The following CNOT4 variants were observed in gnomAD, a reference collection of about 807,000 sequenced individuals.
The protein encoded by CNOT4 is CCR4-associated factor 4.
Under a neutral mutation model 73.8 loss-of-function variants are expected in CNOT4, and 8 were observed. The ratio of observed to expected loss-of-function variants is 0.11; its 90% CI spans 0.06 to 0.20. CNOT4 has a LOEUF of 0.20. Among genes scored for constraint, CNOT4 ranks in the 10% least tolerant of loss-of-function variants. CNOT4 has a pLI of 1.00. For missense variants in CNOT4, 564 were observed against 883.4 expected (o/e 0.64, Z 4.58); for synonymous variants, 293 against 321.1 (o/e 0.91, Z 0.94).
At chr7:135,503,536 CAGGT>C (rs1308930428) in intron 1 of CNOT4, among the ~76,000 whole-genome samples, 1 of 152,012 alleles carries the variant, frequency 6.6e-6, no homozygotes, top group Non-Finnish European at 1.5e-5. Flanking sequence ...AGCTGAGTAA[CAGGT>C]ACATGGTGGT....
chr7:135,397,580 T>C (rs1464266396), intron 8 of CNOT4, among the ~76,000 whole-genome samples: 4 of 140,448 alleles, frequency 2.8e-5, no homozygotes, highest in East Asian at 2.0e-4. Flanking sequence ...AGAAGATGTA[T>C]AGAAACTCAA....
At chr7:135,385,397 A>G (rs142297685) in intron 10 of CNOT4, among the ~76,000 whole-genome samples, 1 of 152,340 alleles carries the variant, frequency 6.6e-6, no homozygotes, top group Non-Finnish European at 1.5e-5. Context: ...TTCTGAGGCA[A>G]TGCCTCCGTG....
At chr7:135,474,428 G>A (rs1289717518) in intron 1 of CNOT4, among the ~76,000 whole-genome samples, 1 of 151,924 alleles carries the variant, frequency 6.6e-6, no homozygotes, top group African/African-American at 2.4e-5. Context: ...AGAACTACAG[G>A]TGGGTGCCAC....
In CNOT4 at chr7:135,394,365, C is replaced by A; in HGVS notation, c.1180G>T (p.Gly394Cys). 6.2e-7 allele frequency: 1 copy of A among 1,613,886 alleles called. No homozygotes were observed. ...STDWQAAFGF[G>C]SSKQPEDDLG... ...TCATCCTCTGGTTGTTTAGAAGAAC[C>A]AAAGCCAAAAGCTGCTTGCCAGTCT... The change falls in exon 10 of 12, where the codon GGT (glycine) becomes TGT (cysteine). Residue 394 changes from glycine to cysteine, a missense_variant. Around this residue, in one of 10 missense-constraint regions of CNOT4, gnomAD observed 14 missense variants for 60.4 expected, o/e 0.23. Coordinates refer to ENST00000541284, the MANE Select transcript of CNOT4 (RefSeq NM_001190850.2).
chr7:135,438,673 A>G (rs971671386), intron 1 of CNOT4, among the ~76,000 whole-genome samples: 2 of 152,248 alleles, frequency 1.3e-5, no homozygotes, highest in African/African-American at 4.8e-5. Flanking sequence ...ATTTAGTACT[A>G]GCCTATAGCA....
At position 135,398,178 on chromosome 7, in the gene CNOT4, A is replaced by T; in HGVS notation, c.870T>A (p.Asn290Lys). ...TGTATTCAAATCTTACCTGCTGGGA[A>T]TTATCACCGTTCCCTATACTGAGAG... ...SDSLSIGNGDNSQQISNSDTP... is the reference protein window; with the variant it reads ...SDSLSIGNGDKSQQISNSDTP... Residue 290 changes from asparagine (N) to lysine (K), a missense_variant, in exon 8 of 12, where the codon AAT becomes AAA. By Grantham distance (94) the Asn-to-Lys change is moderately conservative. This residue lies in a region of CNOT4 where 135 missense variants were observed against 154.0 expected (regional missense o/e 0.88). Transcript: ENST00000541284. 6.5e-7 allele frequency: 1 copy of T among 1,535,180 alleles called. No individual in the cohort carries two copies. The highest frequency in any genetic ancestry group is 9.0e-7 in the Non-Finnish European group (1 of 1,109,120).
At position 135,399,199 on chromosome 7, in the gene CNOT4, G is replaced by T. The variant is rs564688390; in HGVS notation, c.822-973C>A. ...AATAGTCATGGGTTGCTTAATGATG[G>T]GATACATTTTGAGACATGCATTGAT... On this transcript the variant is annotated intron_variant, in intron 7 of 11. Transcript: ENST00000541284. Among the ~76,000 whole-genome samples, 4 of 152,066 alleles carry T rather than the reference G, an allele frequency of 2.6e-5. No individual in the cohort carries two copies. In the South Asian group the frequency reaches 8.3e-4, roughly 32 times the overall value.
At chr7:135,434,592 A>G (rs761044504) in intron 2 of CNOT4, among the ~76,000 whole-genome samples, 2 of 152,078 alleles carry the variant, frequency 1.3e-5, no homozygotes, top group African/African-American at 4.8e-5. Flanking sequence ...TCCTTAGACA[A>G]TCTTTCATCT....
intron 1 of CNOT4, chr7:135,445,063 A>G (rs1217641478): frequency 2.6e-6 from 2 of 763,610 alleles, no homozygotes; most frequent in Non-Finnish European, 2.3e-6. Context: ...CTTAATCACA[A>G]GGTTATTTTC....
chr7:135,438,801 A>G (rs945364275), intron 1 of CNOT4, among the ~76,000 whole-genome samples: 4 of 152,230 alleles, frequency 2.6e-5, no homozygotes, highest in South Asian at 2.1e-4. Flanking sequence ...ACACTATTCT[A>G]AAGTTTGTCA....
chr7:135,374,298 CA>C, intron 10 of CNOT4, among the ~76,000 whole-genome samples: 1 of 152,246 alleles, frequency 6.6e-6, no homozygotes, highest in South Asian at 2.1e-4. Context: ...CAAATTCTAT[CA>C]AAGTAATGTA....
chr7:135,467,086 C>T (rs1801267326), intron 1 of CNOT4, among the ~76,000 whole-genome samples: 1 of 152,086 alleles, frequency 6.6e-6, no homozygotes, highest in African/African-American at 2.4e-5. Context: ...TTCCAGGAAA[C>T]TCAAGTTTAA....
intron 7 of CNOT4, among the ~76,000 whole-genome samples, chr7:135,400,050 A>C (rs367832127): frequency 1.1e-4 from 16 of 152,258 alleles, no homozygotes; most frequent in African/African-American, 3.6e-4. Flanking sequence ...AATTAGGGAA[A>C]GTTTCCTAGG....
chr7:135,406,342 A>T (rs1797282474), intron 7 of CNOT4, among the ~76,000 whole-genome samples: 1 of 121,318 alleles, frequency 8.2e-6, no homozygotes, highest in Admixed American at 1.1e-4. Context: ...TCATGTACTT[A>T]TGCAAAGCAT....
At chr7:135,405,367 C>T (rs909863615) in intron 7 of CNOT4, among the ~76,000 whole-genome samples, 1 of 152,148 alleles carries the variant, frequency 6.6e-6, no homozygotes, top group Non-Finnish European at 1.5e-5. Flanking sequence ...GATCTGCATA[C>T]CCCACAATTC....
chr7:135,412,589 G>A (rs762002832), intron 6 of CNOT4, among the ~76,000 whole-genome samples: 3 of 151,814 alleles, frequency 2.0e-5, no homozygotes, highest in Non-Finnish European at 4.4e-5. Context: ...AGAAAACTCT[G>A]ATGTATTTAT....
intron 7 of CNOT4, among the ~76,000 whole-genome samples, chr7:135,404,352 C>A (rs148308458): frequency 3.9e-5 from 6 of 152,278 alleles, no homozygotes; most frequent in Admixed American, 2.0e-4. Context: ...TTATTCCACT[C>A]CTGAATTCAC....
chr7:135,460,928 T>G (rs1023014518), intron 1 of CNOT4, among the ~76,000 whole-genome samples: 3 of 152,270 alleles, frequency 2.0e-5, no homozygotes, highest in Admixed American at 1.3e-4. Context: ...ATTGTAGGTA[T>G]TTCAGGCTAC....
chr7:135,435,225 T>G (rs1311097827), intron 2 of CNOT4, among the ~76,000 whole-genome samples: 1 of 152,210 alleles, frequency 6.6e-6, no homozygotes, highest in African/African-American at 2.4e-5. Flanking sequence ...TGCTTCACAC[T>G]CACAGGGCCC....
Sources: gnomAD v4.1 joint callset for allele counts (sites outside exome capture counted in the v4.1 genomes callset) on GRCh38, gnomAD v4.1.1 for gene constraint, gnomAD v4.1.1 regional missense constraint, MANE v1.5 for transcripts, NCBI Gene and HGNC (gene_info 2026-07-23, HGNC 2026-07-21) for gene names.